Variants in SERGEF observed in about 807,000 individuals in gnomAD.
SERGEF encodes secretion regulating guanine nucleotide exchange factor.
Under a neutral mutation model 50.0 loss-of-function variants are expected in SERGEF, and 51 were observed. The observed-to-expected ratio is 1.02, with a 90% CI of 0.81 to 1.29. SERGEF has a LOEUF of 1.29. Ranked by LOEUF, SERGEF falls within the 50% of genes most tolerant of loss-of-function variation. The pLI, the probability that SERGEF is intolerant of heterozygous loss-of-function variation, is 0.00. For missense variants in SERGEF, 521 were observed against 557.0 expected (o/e 0.94, Z 0.65); for synonymous variants, 205 against 212.4 (o/e 0.97, Z 0.30).
intron 9 of SERGEF, among the ~76,000 whole-genome samples, chr11:17,937,830 A>C (rs1049551721): frequency 7.2e-5 from 11 of 152,174 alleles, no homozygotes; most frequent in Non-Finnish European, 1.5e-4. Flanking sequence ...GCCCCTGATT[A>C]GGTTAGACTT....
Position 17,999,349 on chromosome 11 carries a change from G to A in SERGEF, c.508+1148C>T, listed in dbSNP as rs559573360. On this transcript the variant is annotated intron_variant, in intron 5 of 10. Transcript: ENST00000265965. ...GCAAGATACCATTAGGGGAAACCGG[G>A]AGAGAACACACAGGGTCTGTTTTAT... The A allele has an allele frequency of 8.8e-5, 26 of 296,610 alleles. No homozygotes were observed. In the East Asian group the frequency reaches 2.5e-3, roughly 29 times the overall value. The allele number at this position is 296,610 out of a possible 1,614,324, so 18.4% of individuals were successfully genotyped here.
At chr11:17,800,482 A>G (rs1378957819) in intron 10 of SERGEF, among the ~76,000 whole-genome samples, 4 of 152,216 alleles carry the variant, frequency 2.6e-5, no homozygotes, top group Non-Finnish European at 5.9e-5. Context: ...AGAGTTGCAG[A>G]ATAAATGAGT....
intron 10 of SERGEF, among the ~76,000 whole-genome samples, chr11:17,875,923 T>C (rs1275613272): frequency 6.6e-6 from 1 of 152,128 alleles, no homozygotes; most frequent in Non-Finnish European, 1.5e-5. Context: ...GGCAGGGAAA[T>C]CCCTCTAAAG....
chr11:17,922,311 C>T (rs1852173421), intron 9 of SERGEF, among the ~76,000 whole-genome samples: 1 of 152,122 alleles, frequency 6.6e-6, no homozygotes, highest in African/African-American at 2.4e-5. Flanking sequence ...AGGGCTCTAG[C>T]AGGCCAGCCT....
intron 10 of SERGEF, among the ~76,000 whole-genome samples, chr11:17,792,539 C>T (rs912404248): frequency 1.3e-5 from 2 of 152,148 alleles, no homozygotes; most frequent in East Asian, 1.9e-4. Context: ...CGCCTGGGAC[C>T]GGGGTAGCCA....
Position 17,992,954 on chromosome 11 carries a change from G to C in SERGEF, c.662C>G (p.Ser221Ter), listed in dbSNP as rs552461036. Residue 221 changes from serine (S) to a stop codon, truncating the protein, a stop_gained, in exon 7 of 11, where the codon TCA (serine) becomes TGA (stop). Transcript: ENST00000265965. LOFTEE classifies it high-confidence loss of function. Reference sequence around the variant, plus strand: ...ACCTGTTAATGAAGCTGAGTGGTCTGAGCCAGCAAGAACACACATTGCTTT... The same window carrying C: ...ACCTGTTAATGAAGCTGAGTGGTCTCAGCCAGCAAGAACACACATTGCTTT... ...NSKAMCVLAG[S>*]DHSASLTDAG... 8 of 1,614,010 alleles carry C rather than the reference G, an allele frequency of 5.0e-6. No homozygotes were observed. The highest frequency in any genetic ancestry group is 4.0e-5 in the African/African-American group (3 of 74,912).
At chr11:17,958,812 T>C (rs907220758) in intron 9 of SERGEF, among the ~76,000 whole-genome samples, 4 of 152,158 alleles carry the variant, frequency 2.6e-5, no homozygotes, top group African/African-American at 7.2e-5. Context: ...GTCTGACCCA[T>C]CCTCCAAAGC....
At chr11:17,966,835 G>C (rs1853135554) in intron 8 of SERGEF, among the ~76,000 whole-genome samples, 1 of 152,152 alleles carries the variant, frequency 6.6e-6, no homozygotes, top group Non-Finnish European at 1.5e-5. Context: ...AACAAAAGTT[G>C]AAAGGTTGGG....
At position 17,963,896 on chromosome 11, in the gene SERGEF, C is replaced by T. The variant is rs757984775; in HGVS notation, c.845-4260G>A. On this transcript the variant is annotated intron_variant, in intron 8 of 10. Coordinates refer to ENST00000265965, the MANE Select transcript of SERGEF (RefSeq NM_012139.4). ...TACTTACCCAAAGTCACAGAGGTAG[C>T]AAGTGAAAAGAGAAGAAAAGAAAGA... is the stretch of plus-strand genomic sequence containing the variant. Among the ~76,000 whole-genome samples, 51 of 152,034 alleles carry T rather than the reference C, an allele frequency of 3.4e-4. 1 individual carries two copies. Among genetic ancestry groups the T allele is most frequent in the Admixed American group, 6.6e-5 (1 of 15,256 alleles).
At chr11:17,853,464 G>A (rs945961688) in intron 10 of SERGEF, 4 of 152,210 alleles carry the variant, frequency 2.6e-5, no homozygotes, top group African/African-American at 9.7e-5. Context: ...CAGGCAATGT[G>A]ACTGGGCTGG....
At chr11:17,898,276 A>G (rs61882443) in intron 9 of SERGEF, among the ~76,000 whole-genome samples, 21,564 of 152,170 alleles carry the variant, frequency 0.14, 1,978 homozygotes, top group Middle Eastern at 0.27. Context: ...TGCCACACAC[A>G]GCAGGAAGGG....
intron 10 of SERGEF, among the ~76,000 whole-genome samples, chr11:17,806,563 G>C (rs549861136): frequency 6.6e-6 from 1 of 152,264 alleles, no homozygotes; most frequent in South Asian, 2.1e-4. Flanking sequence ...TCCTAAATTT[G>C]TAACTCCTAG....
chr11:17,818,225 C>T (rs140707951), intron 10 of SERGEF, among the ~76,000 whole-genome samples: 1 of 152,090 alleles, frequency 6.6e-6, no homozygotes, highest in Non-Finnish European at 1.5e-5. Flanking sequence ...GGCAAAGGCT[C>T]AGAGGAACTC....
intron 6 of SERGEF, among the ~76,000 whole-genome samples, chr11:17,995,254 C>T (rs1263008328): frequency 6.6e-6 from 1 of 152,196 alleles, no homozygotes; most frequent in Non-Finnish European, 1.5e-5. Flanking sequence ...ACACTCCTGG[C>T]CCCTCTGTCT....
At chr11:17,955,699 G>A (rs1852854151) in intron 9 of SERGEF, among the ~76,000 whole-genome samples, 1 of 152,144 alleles carries the variant, frequency 6.6e-6, no homozygotes, top group Non-Finnish European at 1.5e-5. Flanking sequence ...TTGAGGTCCA[G>A]GGAATAAGGA....
At chr11:17,880,607 CT>C (rs1486964362) in intron 9 of SERGEF, among the ~76,000 whole-genome samples, 1 of 151,688 alleles carries the variant, frequency 6.6e-6, no homozygotes, top group South Asian at 2.1e-4. Flanking sequence ...TTTTCTTTTT[CT>C]TTTTTTCTAT....
chr11:17,883,205 C>T (rs1445865838), intron 9 of SERGEF, among the ~76,000 whole-genome samples: 1 of 152,230 alleles, frequency 6.6e-6, no homozygotes, highest in Non-Finnish European at 1.5e-5. Flanking sequence ...AGTTAAAACT[C>T]TCCTAGGGGT....
At chr11:17,986,251 C>T (rs777879134) in intron 8 of SERGEF, among the ~76,000 whole-genome samples, 47 of 152,248 alleles carry the variant, frequency 3.1e-4, no homozygotes, top group African/African-American at 1.0e-3. Context: ...GGCCAGAGCA[C>T]GGGCCTCCAC....
At chr11:17,925,873 G>A (rs941838825) in intron 9 of SERGEF, among the ~76,000 whole-genome samples, 4 of 152,184 alleles carry the variant, frequency 2.6e-5, no homozygotes, top group Admixed American at 1.3e-4. Context: ...TACCAGCTGT[G>A]TGATCTTGGG....
Sources: gnomAD v4.1 joint callset for allele counts (sites outside exome capture counted in the v4.1 genomes callset) on GRCh38, gnomAD v4.1.1 for gene constraint, MANE v1.5 for transcripts, NCBI Gene and HGNC (gene_info 2026-07-23, HGNC 2026-07-21) for gene names.